ABTB3: variants seen among roughly 807,000 people sequenced by gnomAD.
ABTB3 encodes the protein ankyrin repeat and BTB domain containing 3.
At chr12:107,575,413 G>A in the ABTB3 span, among the ~76,000 whole-genome samples, 20 of 152,034 alleles carry the variant, frequency 1.3e-4, no homozygotes, top group Admixed American at 3.9e-4. Context: ...ACATCATCCC[G>A]TTCAATTCTT....
the ABTB3 span, among the ~76,000 whole-genome samples, chr12:107,436,323 T>C: frequency 6.6e-6 from 1 of 152,216 alleles, no homozygotes; most frequent in African/African-American, 2.4e-5. Context: ...GTGTTCCTTC[T>C]GGGAATCAGG....
chr12:107,347,960 G>T, the ABTB3 span, among the ~76,000 whole-genome samples: 6 of 152,106 alleles, frequency 3.9e-5, no homozygotes, highest in Non-Finnish European at 7.3e-5. Context: ...GGAGGAACAG[G>T]CTTGCCAGTG....
the ABTB3 span, among the ~76,000 whole-genome samples, chr12:107,597,042 CACAG>C: frequency 6.6e-6 from 1 of 152,200 alleles, no homozygotes. Flanking sequence ...GGAGTGTAAC[CACAG>C]ACAAACTCAA....
the ABTB3 span, among the ~76,000 whole-genome samples, chr12:107,656,201 C>G: frequency 6.6e-6 from 1 of 151,084 alleles, no homozygotes; most frequent in East Asian, 2.0e-4. Context: ...CTCAGAAGGC[C>G]GAGGCAGGAG....
At chr12:107,533,913 T>G in the ABTB3 span, among the ~76,000 whole-genome samples, 1 of 152,158 alleles carries the variant, frequency 6.6e-6, no homozygotes, top group Admixed American at 6.5e-5. Flanking sequence ...AAAACTGAAA[T>G]CATATCAAGT....
chr12:107,508,123 T>G, the ABTB3 span, among the ~76,000 whole-genome samples: 1 of 151,072 alleles, frequency 6.6e-6, no homozygotes, highest in East Asian at 2.0e-4. Context: ...AGAGTAGATG[T>G]ATAGATGAAT....
the ABTB3 span, chr12:107,580,799 G>T: frequency 6.7e-7 from 1 of 1,503,742 alleles, no homozygotes; most frequent in South Asian, 1.3e-5. Flanking sequence ...CCCTGCGCTT[G>T]GTGCTTCAAG....
At chr12:107,642,695 C>T in the ABTB3 span, among the ~76,000 whole-genome samples, 1 of 152,100 alleles carries the variant, frequency 6.6e-6, no homozygotes, top group African/African-American at 2.4e-5. Flanking sequence ...TGGTTGAGCT[C>T]AGCGTCATCA....
At chr12:107,616,709 T>A in the ABTB3 span, among the ~76,000 whole-genome samples, 12 of 151,814 alleles carry the variant, frequency 7.9e-5, no homozygotes, top group African/African-American at 2.9e-4. Context: ...AGGAGGGGAG[T>A]CTTCCAGCAT....
chr12:107,367,367 C>T, the ABTB3 span, among the ~76,000 whole-genome samples: 2 of 152,176 alleles, frequency 1.3e-5, no homozygotes, highest in East Asian at 3.8e-4. Flanking sequence ...ATGATTTACA[C>T]TTTTTCCTCT....
At chr12:107,521,679 C>T in the ABTB3 span, among the ~76,000 whole-genome samples, 1 of 150,300 alleles carries the variant, frequency 6.7e-6, no homozygotes, top group African/African-American at 2.5e-5. Context: ...CATGTCCCCC[C>T]ACCCCCTACC....
chr12:107,592,893 A>G, the ABTB3 span, among the ~76,000 whole-genome samples: 1 of 152,154 alleles, frequency 6.6e-6, no homozygotes, highest in Non-Finnish European at 1.5e-5. Flanking sequence ...ATATTACTCT[A>G]TATTTTATGT....
At chr12:107,469,974 T>C in the ABTB3 span, among the ~76,000 whole-genome samples, 134 of 72,942 alleles carry the variant, frequency 1.8e-3, no homozygotes, top group Middle Eastern at 5.3e-3. Flanking sequence ...CTTTCTTTCT[T>C]TCTTTCTTTC....
chr12:107,560,232 G>T, the ABTB3 span, among the ~76,000 whole-genome samples: 1 of 152,280 alleles, frequency 6.6e-6, no homozygotes, highest in South Asian at 2.1e-4. Context: ...GCGAATTACT[G>T]TTCTTTTAAA....
the ABTB3 span, among the ~76,000 whole-genome samples, chr12:107,448,637 C>CTT: frequency 4.0e-5 from 6 of 148,270 alleles, no homozygotes; most frequent in Non-Finnish European, 7.4e-5. Context: ...TTCTTTCTTT[C>CTT]TTTCTTTCTT....
chr12:107,469,829 C>T, the ABTB3 span, among the ~76,000 whole-genome samples: 1 of 141,466 alleles, frequency 7.1e-6, no homozygotes, highest in East Asian at 2.0e-4. Context: ...CTTGTTCATC[C>T]GTCCTTCCTT....
At chr12:107,407,249 C>T in the ABTB3 span, among the ~76,000 whole-genome samples, 8 of 152,346 alleles carry the variant, frequency 5.3e-5, 1 homozygote, top group South Asian at 1.5e-3. Context: ...ATACCTGGCA[C>T]AGTGCTTAGC....
the ABTB3 span, among the ~76,000 whole-genome samples, chr12:107,399,832 C>T: frequency 6.6e-6 from 1 of 152,098 alleles, no homozygotes; most frequent in African/African-American, 2.4e-5. Flanking sequence ...TACTCTCCCT[C>T]CCCTTGCCCC....
At chr12:107,599,059 T>C in the ABTB3 span, among the ~76,000 whole-genome samples, 1 of 152,174 alleles carries the variant, frequency 6.6e-6, no homozygotes, top group East Asian at 1.9e-4. Flanking sequence ...TCTGCCATCC[T>C]TGGTTTAGGT....
Sources: allele counts gnomAD v4.1 joint callset (sites outside exome capture counted in the v4.1 genomes callset), GRCh38; gene constraint gnomAD v4.1.1; transcripts MANE v1.5; gene names NCBI Gene and HGNC (gene_info 2026-07-23, HGNC 2026-07-21).